The following UNC13C variants were observed in gnomAD, a reference collection of about 807,000 sequenced individuals.
UNC13C encodes unc-13 homolog C, also known as protein unc-13 homolog C.
Under a neutral mutation model 245.4 loss-of-function variants are expected in UNC13C, and 174 were observed. That is an observed-to-expected ratio of 0.71 (90% confidence interval 0.63 to 0.80). The LOEUF (loss-of-function observed/expected upper bound fraction) is 0.80. Ranked by LOEUF, UNC13C falls within the 30% of genes least tolerant of loss-of-function variation. UNC13C has a pLI of 0.00. For missense variants in UNC13C, 2,829 were observed against 2,602.9 expected (o/e 1.09, Z -1.89); for synonymous variants, 992 against 895.1 (o/e 1.11, Z -1.93).
At chr15:54,394,519 A>G (rs1451404224) in intron 18 of UNC13C, among the ~76,000 whole-genome samples, 1 of 151,728 alleles carries the variant, frequency 6.6e-6, no homozygotes, top group African/African-American at 2.4e-5. Flanking sequence ...GCTTTGTAGA[A>G]TAGAGTTGTG....
upstream of UNC13C, among the ~76,000 whole-genome samples, chr15:53,976,477 C>CTCTTTTTTTTTT (rs1325952003): frequency 9.5e-5 from 6 of 63,022 alleles, no homozygotes; most frequent in African/African-American, 1.7e-4. Context: ...CTCTCTCTCT[C>CTCTTTTTTTTTT]TTTTTTTTTT....
chr15:54,141,042 G>A (rs977005364), intron 2 of UNC13C, among the ~76,000 whole-genome samples: 2 of 152,180 alleles, frequency 1.3e-5, no homozygotes, highest in East Asian at 1.9e-4. Context: ...TATTTAGTGG[G>A]ATGGTTGAGA....
chr15:54,469,278 A>T (rs1261209433), intron 19 of UNC13C, among the ~76,000 whole-genome samples: 2 of 151,550 alleles, frequency 1.3e-5, no homozygotes, highest in African/African-American at 4.8e-5. Context: ...TTGGTTTTGT[A>T]TCCTGCAACT....
chr15:54,451,082 A>T (rs780280704), intron 19 of UNC13C, among the ~76,000 whole-genome samples: 11 of 152,008 alleles, frequency 7.2e-5, no homozygotes, highest in Non-Finnish European at 1.2e-4. Flanking sequence ...GTAAGCTTCT[A>T]CGTGTTATTT....
chr15:53,883,693 C>T, the UNC13C span, among the ~76,000 whole-genome samples: 7 of 152,088 alleles, frequency 4.6e-5, no homozygotes, highest in Admixed American at 1.3e-4. Flanking sequence ...TTATATAATA[C>T]GAATGGTTAT....
chr15:54,450,217 CG>C (rs1274652308), intron 19 of UNC13C, among the ~76,000 whole-genome samples: 1 of 152,164 alleles, frequency 6.6e-6, no homozygotes, highest in Non-Finnish European at 1.5e-5. Context: ...ACTCGGGGGT[CG>C]GGGACCCACT....
chr15:54,331,328 A>G (rs1179041455), intron 14 of UNC13C, among the ~76,000 whole-genome samples: 1 of 151,986 alleles, frequency 6.6e-6, no homozygotes, highest in Non-Finnish European at 1.5e-5. Context: ...AATCCACCCA[A>G]CTTTAACCAC....
intron 13 of UNC13C, among the ~76,000 whole-genome samples, chr15:54,305,187 A>G (rs971779386): frequency 4.6e-5 from 7 of 152,108 alleles, no homozygotes; most frequent in African/African-American, 1.7e-4. Flanking sequence ...TCAGAATTAC[A>G]TTTATTTTTA....
At chr15:54,189,955 T>A (rs1567082589) in intron 4 of UNC13C, among the ~76,000 whole-genome samples, 1 of 152,204 alleles carries the variant, frequency 6.6e-6, no homozygotes, top group East Asian at 1.9e-4. Flanking sequence ...TTATGTAACA[T>A]GTTAGGTCAA....
At chr15:53,895,315 C>T in the UNC13C span, among the ~76,000 whole-genome samples, 3 of 130,750 alleles carry the variant, frequency 2.3e-5, no homozygotes, top group African/African-American at 8.9e-5. Flanking sequence ...CACTGCACTC[C>T]AGCCTGGGTG....
chr15:54,593,956 G>T (rs1898934441), intron 30 of UNC13C, among the ~76,000 whole-genome samples: 1 of 152,162 alleles, frequency 6.6e-6, no homozygotes, highest in African/African-American at 2.4e-5. Context: ...ATTGGCATAG[G>T]CTCTATCAGA....
Position 54,197,017 on chromosome 15 carries a change from C to A in UNC13C, c.3072-38013C>A, listed in dbSNP as rs150418275. Among the ~76,000 whole-genome samples, 915 of 152,052 alleles carry A rather than the reference C, an allele frequency of 6.0e-3. 53 individuals carry two copies. In the East Asian group the frequency reaches 0.11, roughly 18 times the overall value. ...GCACATGTATACATATGTAACAAAC[C>A]TGTACGTTGTGCCCATGTACCCTAA... is the stretch of plus-strand genomic sequence containing the variant. On this transcript the variant is annotated intron_variant, in intron 4 of 32. Transcript: ENST00000260323.
chr15:53,895,959 T>G, the UNC13C span, among the ~76,000 whole-genome samples: 3 of 137,858 alleles, frequency 2.2e-5, no homozygotes, highest in African/African-American at 8.3e-5. Context: ...TATTTTAACT[T>G]TAGCATTCTC....
chr15:53,896,197 G>C, the UNC13C span, among the ~76,000 whole-genome samples: 1 of 151,970 alleles, frequency 6.6e-6, no homozygotes, highest in African/African-American at 2.4e-5. Flanking sequence ...TGAAAAGTGT[G>C]TAACTATCAC....
At chr15:53,931,375 G>A in the UNC13C span, among the ~76,000 whole-genome samples, 3 of 152,138 alleles carry the variant, frequency 2.0e-5, no homozygotes, top group East Asian at 5.8e-4. Context: ...CACCATGTTG[G>A]CCAGGCTGAT....
intron 10 of UNC13C, among the ~76,000 whole-genome samples, chr15:54,292,969 C>T (rs1876235488): frequency 6.7e-6 from 1 of 148,778 alleles, no homozygotes; most frequent in East Asian, 2.0e-4. Context: ...ATAGATAATG[C>T]ATATATAATA....
intron 29 of UNC13C, among the ~76,000 whole-genome samples, chr15:54,557,135 G>A (rs1179308123): frequency 6.6e-6 from 1 of 151,866 alleles, no homozygotes; most frequent in Non-Finnish European, 1.5e-5. Context: ...GTTCTTTGTG[G>A]ACAAAACTAC....
intron 17 of UNC13C, among the ~76,000 whole-genome samples, chr15:54,341,871 G>A (rs1169529182): frequency 6.6e-6 from 1 of 151,878 alleles, no homozygotes; most frequent in Non-Finnish European, 1.5e-5. Context: ...AACTACTCAG[G>A]AGGCTGAGGC....
chr15:53,952,266 G>C, the UNC13C span, among the ~76,000 whole-genome samples: 1 of 152,140 alleles, frequency 6.6e-6, no homozygotes, highest in Non-Finnish European at 1.5e-5. Flanking sequence ...TGTGGCAATA[G>C]TGGCTAAAAT....
Sources: allele counts gnomAD v4.1 joint callset (sites outside exome capture counted in the v4.1 genomes callset), GRCh38; gene constraint gnomAD v4.1.1; transcripts MANE v1.5; gene names NCBI Gene and HGNC (gene_info 2026-07-23, HGNC 2026-07-21).